The following ZC2HC1B variants were observed in gnomAD, a reference collection of about 807,000 sequenced individuals.
The protein encoded by ZC2HC1B is zinc finger C2HC domain-containing protein 1B.
Under a neutral mutation model 31.0 loss-of-function variants are expected in ZC2HC1B, and 36 were observed. That is an observed-to-expected ratio of 1.16 (90% CI 0.89 to 1.54). ZC2HC1B has a LOEUF of 1.54. Ranked by LOEUF, ZC2HC1B falls within the 40% of genes most tolerant of loss-of-function variation. The pLI is 0.00. For missense variants in ZC2HC1B, 260 were observed against 268.6 expected, an observed-to-expected ratio of 0.97 and a Z score of 0.22; for synonymous variants, 73 against 88.0, an observed-to-expected ratio of 0.83 and a Z score of 0.95.
chr6:143,919,217 C>CTGTGTGTG (rs71024878), intron 6 of ZC2HC1B, among the ~76,000 whole-genome samples: 399 of 123,676 alleles, frequency 3.2e-3, no homozygotes, highest in East Asian at 0.013. Flanking sequence ...TTGCTATTCT[C>CTGTGTGTG]TGTGTGTGTG....
Position 143,937,690 on chromosome 6 carries a change from G to C in ZC2HC1B, c.640G>C (p.Gly214Arg). ...TGCTTCTGGAGCAAAACTCAGACAAGGATTTAGTAAATCTTCTAAAAAAGA... is the reference window on the plus strand; with the variant it reads ...TGCTTCTGGAGCAAAACTCAGACAACGATTTAGTAAATCTTCTAAAAAAGA... ...DPASGAKLRQ[G>R]FSKSSKKD Residue 214 changes from glycine to arginine, a missense_variant, in exon 7 of 8, where the codon GGA (glycine) becomes CGA (arginine). Gly to Arg is a moderately radical substitution (Grantham distance 125). Coordinates refer to ENST00000237275, the MANE Select transcript of ZC2HC1B (RefSeq NM_001013623.3). The C allele has an allele frequency of 6.4e-7, 1 of 1,550,954 alleles. No homozygotes were observed. The highest frequency in any genetic ancestry group is 8.7e-7 in the Non-Finnish European group (1 of 1,146,752).
Position 143,877,618 on chromosome 6 carries a change from T to G in ZC2HC1B, c.29-6686T>G, listed in dbSNP as rs1355279004. On this transcript the variant is annotated intron_variant, in intron 1 of 7. Transcript: ENST00000237275. The stretch of plus-strand genomic sequence containing the variant: ...AATTTCTAAGAGTTATAATTTTCCT[T>G]TAATTTTTTTTTTGTCTGTTTTGGA... Among the ~76,000 whole-genome samples the G allele has an allele frequency of 2.0e-5, 3 of 150,334 alleles. 1 individual carries two copies. Among genetic ancestry groups the G allele is most frequent in the African/African-American group, 7.4e-5 (3 of 40,658 alleles).
rs570162817 is a variant in ZC2HC1B, at chr6:143,894,398, T to C, written c.350-4154T>C. On this transcript the variant is annotated intron_variant, in intron 4 of 7. Coordinates refer to ENST00000237275, the MANE Select transcript of ZC2HC1B (RefSeq NM_001013623.3). ...AAAATGTTCTGTATTTTAATTGAGG[T>C]GGTTAAAATGGATACATTCGTCAAA... Among the ~76,000 whole-genome samples the C allele has an allele frequency of 3.8e-3, 573 of 152,256 alleles. 2 individuals carry two copies. Among genetic ancestry groups the C allele is most frequent in the African/African-American group, 0.013 (544 of 41,540 alleles).
At chr6:143,877,912 TAGA>T (rs1208294866) in intron 1 of ZC2HC1B, among the ~76,000 whole-genome samples, 1 of 150,600 alleles carries the variant, frequency 6.6e-6, no homozygotes, top group Non-Finnish European at 1.5e-5. Flanking sequence ...CTAAGCCAAG[TAGA>T]AGAAGATGGG....
chr6:143,886,544 G>A lies in ZC2HC1B; in HGVS notation c.211-139G>A. On this transcript the variant is annotated intron_variant, in intron 3 of 7. Coordinates refer to ENST00000237275, the MANE Select transcript of ZC2HC1B (RefSeq NM_001013623.3). This position sits in a 1 kb window ranked among gnomAD's most constrained non-coding sequence, Gnocchi z 4.2. ...TGTACTTTCCAAACCTCTTTAAGGA[G>A]TACTTTTGAAAAACAAACTCTCCTT... is the stretch of plus-strand genomic sequence containing the variant. The A allele has an allele frequency of 1.2e-6, 1 of 849,576 alleles. No homozygotes were observed. The highest frequency in any genetic ancestry group is 1.6e-6 in the Non-Finnish European group (1 of 612,596). 52.6% of individuals were successfully genotyped at this position (849,576 alleles called of 1,614,324 possible). A position where few individuals can be genotyped will look rare whatever the true frequency, so the allele number is the denominator to read the frequency against.
intron 6 of ZC2HC1B, among the ~76,000 whole-genome samples, chr6:143,912,852 A>AG (rs1463477370): frequency 3.2e-4 from 48 of 152,218 alleles, no homozygotes; most frequent in Non-Finnish European, 6.0e-4. Context: ...GAGAAGCCAA[A>AG]TGGCCAAGTT....
intron 6 of ZC2HC1B, among the ~76,000 whole-genome samples, chr6:143,906,810 A>G (rs993735503): frequency 6.6e-6 from 1 of 151,616 alleles, no homozygotes; most frequent in African/African-American, 2.4e-5. Context: ...GTTCAGGGGT[A>G]CATGTGCAGG....
At position 143,885,974 on chromosome 6, in the gene ZC2HC1B, G is replaced by C; in HGVS notation, c.91-58G>C. ...AGTGGGGGCTGTCTAGGTACACCTA[G>C]GCATTAAAAACTGATTGTGCACTTT... On this transcript the variant is annotated intron_variant, in intron 2 of 7. Transcript: ENST00000237275. The surrounding 1 kb of genome is among the most constrained non-coding windows in gnomAD (Gnocchi z 4.2). The C allele has an allele frequency of 6.9e-7, 1 of 1,456,716 alleles. No individual in the cohort carries two copies. The highest frequency in any genetic ancestry group is 2.6e-5 in the East Asian group (1 of 38,492). 90.2% of individuals were successfully genotyped at this position (1,456,716 alleles called of 1,614,324 possible). A position where few individuals can be genotyped will look rare whatever the true frequency, so the allele number is the denominator to read the frequency against.
chr6:143,906,428 T>G (rs937609145), intron 6 of ZC2HC1B, among the ~76,000 whole-genome samples: 1 of 151,324 alleles, frequency 6.6e-6, no homozygotes, highest in East Asian at 2.0e-4. Context: ...TTCTCTTTTT[T>G]AATTTTAATT....
Position 143,923,639 on chromosome 6 carries a change from T to C in ZC2HC1B, c.599-14010T>C, listed in dbSNP as rs1268934417. ...GTTGATTTTTGTATATTGTGAGACATAGGGATCTAGTTTCATTTTTCTGTA... is the reference window on the plus strand; with the variant it reads ...GTTGATTTTTGTATATTGTGAGACACAGGGATCTAGTTTCATTTTTCTGTA... On this transcript the variant is annotated intron_variant, in intron 6 of 7. Coordinates refer to ENST00000237275, the MANE Select transcript of ZC2HC1B (RefSeq NM_001013623.3). This position sits in a 1 kb window ranked among gnomAD's most constrained non-coding sequence, Gnocchi z 4.8. Among the ~76,000 whole-genome samples the C allele has an allele frequency of 1.3e-5, 2 of 152,126 alleles. No individual in the cohort carries two copies. The highest frequency in any genetic ancestry group is 6.5e-5 in the Admixed American group (1 of 15,276).
Position 143,864,543 on chromosome 6 carries a change from G to A in ZC2HC1B, c.4G>A (p.Ala2Thr). M[A>T]GAEPFLADGN... ...GTTGCTCTGAGTTAGGAACAGAATGGCTGGGGCAGAACCATTTTTGGCAGG... is the reference window on the plus strand; with the variant it reads ...GTTGCTCTGAGTTAGGAACAGAATGACTGGGGCAGAACCATTTTTGGCAGG... Residue 2 changes from alanine (A) to threonine (T), a missense_variant, in exon 1 of 8, where the codon GCT becomes ACT. Ala to Thr is a moderately conservative substitution (Grantham distance 58). Coordinates refer to ENST00000237275, the MANE Select transcript of ZC2HC1B (RefSeq NM_001013623.3). 6.4e-7 allele frequency: 1 copy of A among 1,551,608 alleles called. No individual in the cohort carries two copies. The highest frequency in any genetic ancestry group is 1.4e-5 in the African/African-American group (1 of 73,166).
chr6:143,878,359 T>G lies in ZC2HC1B; in HGVS notation c.29-5945T>G, dbSNP rs1045524076. Among the ~76,000 whole-genome samples the G allele has an allele frequency of 8.0e-5, 12 of 150,644 alleles. 1 individual carries two copies. Among genetic ancestry groups the G allele is most frequent in the Non-Finnish European group, 1.5e-4 (10 of 67,664 alleles). ...CAGGTGTGGTGGTGTGGGCCTGTGC[T>G]CCCAGCTACTCAGGAGGCTGAGGTG... On this transcript the variant is annotated intron_variant, in intron 1 of 7. Transcript: ENST00000237275.
Position 143,903,151 on chromosome 6 carries a change from A to C in ZC2HC1B, c.597A>C (p.Ser199=). 1 of 1,552,176 alleles carries C rather than the reference A, an allele frequency of 6.4e-7. No individual in the cohort carries two copies. ...LVATNEVPTK[S]GLAMDPASGA... ...CCACGAATGAAGTCCCAACCAAGTC[A>C]GGTGAGTCAAAGCACGCATTTCATC... Residue 199 remains serine (S), a splice_region_variant and synonymous_variant, in exon 6 of 8, where the codon TCA becomes TCC. Transcript: ENST00000237275. This position sits in a 1 kb window ranked among gnomAD's most constrained non-coding sequence, Gnocchi z 4.3.
Position 143,886,154 on chromosome 6 carries a change from A to G in ZC2HC1B, c.210+3A>G, listed in dbSNP as rs768724715. 28 of 1,525,972 alleles carry G rather than the reference A, an allele frequency of 1.8e-5. No homozygotes were observed. Among genetic ancestry groups the G allele is most frequent in the South Asian group, 2.5e-5 (2 of 78,850 alleles). The allele number at this position is 1,525,972 out of a possible 1,614,324, so 94.5% of individuals were successfully genotyped here. On this transcript the variant is annotated splice_donor_region_variant and intron_variant, in intron 3 of 7. Transcript: ENST00000237275. The surrounding 1 kb of genome is among the most constrained non-coding windows in gnomAD (Gnocchi z 4.2). ...TGAAGAAGACTCCACAATCCAAGGTACTCCTGATATCTTCTTTAGTGTTTG... is the reference window on the plus strand; with the variant it reads ...TGAAGAAGACTCCACAATCCAAGGTGCTCCTGATATCTTCTTTAGTGTTTG...
intron 6 of ZC2HC1B, among the ~76,000 whole-genome samples, chr6:143,906,340 C>T (rs9496806): frequency 0.017 from 2,542 of 152,220 alleles, 76 homozygotes; most frequent in African/African-American, 0.057. Flanking sequence ...ATAATACTCT[C>T]ATGAAATCCT....
rs563613372 is a variant in ZC2HC1B at position 143,910,934 on chromosome 6, G to A, written c.598+7782G>A. Among the ~76,000 whole-genome samples the A allele has an allele frequency of 5.9e-5, 9 of 152,100 alleles. No individual in the cohort carries two copies. The South Asian group carries it at 1.9e-3, about 32-fold the overall frequency. ...TGCCCAGCTGGTTTTTGTACTTTTT[G>A]TGGAGATGGGGTTTAACCATGTTGG... is the stretch of plus-strand genomic sequence containing the variant. On this transcript the variant is annotated intron_variant, in intron 6 of 7. Transcript: ENST00000237275.
chr6:143,923,815 T>C lies in ZC2HC1B; in HGVS notation c.599-13834T>C, dbSNP rs1229079696. 6.6e-6 allele frequency among the ~76,000 whole-genome samples: 1 copy of C among 152,190 alleles called. No homozygotes were observed. Among genetic ancestry groups the C allele is most frequent in the Non-Finnish European group, 1.5e-5 (1 of 68,006 alleles). ...CTGTTTCATTGGTTTATGTGTCTGT[T>C]TTTATACCAATATCTTGCTGTTTTA... On this transcript the variant is annotated intron_variant, in intron 6 of 7. Coordinates refer to ENST00000237275, the MANE Select transcript of ZC2HC1B (RefSeq NM_001013623.3). The surrounding 1 kb of genome is among the most constrained non-coding windows in gnomAD (Gnocchi z 4.8).
intron 4 of ZC2HC1B, among the ~76,000 whole-genome samples, chr6:143,892,578 G>A (rs78976634): frequency 9.9e-5 from 15 of 152,158 alleles, no homozygotes; most frequent in Non-Finnish European, 1.8e-4. Flanking sequence ...GATTACAGGC[G>A]TGAGCCACTG....
chr6:143,880,947 T>G (rs186387318), intron 1 of ZC2HC1B, among the ~76,000 whole-genome samples: 1 of 152,292 alleles, frequency 6.6e-6, no homozygotes, highest in East Asian at 1.9e-4. Flanking sequence ...ACCAGGAAAC[T>G]AACATTAGTA....
Sources: gnomAD v4.1 joint callset for allele counts (sites outside exome capture counted in the v4.1 genomes callset) on GRCh38, gnomAD v4.1.1 for gene constraint, Gnocchi (gnomAD v3.1) non-coding constraint, MANE v1.5 for transcripts, NCBI Gene and HGNC (gene_info 2026-07-23, HGNC 2026-07-21) for gene names.